Variants in SLC66A3 observed in about 807,000 individuals in gnomAD.
The protein encoded by SLC66A3 is PQ loop repeat containing 3.
A neutral mutation model predicts 25.5 loss-of-function variants in SLC66A3; 23 were observed. That is an observed-to-expected ratio of 0.90 (90% CI 0.65 to 1.28). The LOEUF (loss-of-function observed/expected upper bound fraction) is 1.28. Among genes scored for constraint, SLC66A3 ranks in the 50% most tolerant of loss-of-function variants. SLC66A3 has a pLI of 0.00. For synonymous variants in SLC66A3, 108 were observed against 112.6 expected (o/e 0.96, Z 0.26); for missense variants, 246 against 262.1 (o/e 0.94, Z 0.42).
chr2:11,156,975 G>T (rs1029082709), intron 1 of SLC66A3, among the ~76,000 whole-genome samples: 2 of 152,186 alleles, frequency 1.3e-5, no homozygotes, highest in African/African-American at 4.8e-5. Flanking sequence ...TGAAAGCCAG[G>T]AGTGGGATTT....
At position 11,160,447 on chromosome 2, in the gene SLC66A3, T is replaced by C; in HGVS notation, c.144-19T>C. 1.9e-6 allele frequency: 3 copies of C among 1,611,448 alleles called. No individual in the cohort carries two copies. The highest frequency in any genetic ancestry group is 2.5e-6 in the Non-Finnish European group (3 of 1,177,596). On this transcript the variant is annotated intron_variant, in intron 1 of 6. Transcript: ENST00000295083. ...GCGTTTTGGGGCAGCCGTGTGGACA[T>C]GTGCCCTTCTCTCTCCAGATTCCTG...
At chr2:11,160,379 A>G in intron 1 of SLC66A3, 87 bp from the exon 2 acceptor site, 1 of 1,181,668 alleles carries the variant, frequency 8.5e-7, no homozygotes, top group East Asian at 2.3e-5. Flanking sequence ...AGGATTCGGC[A>G]AACTGACCTC....
At chr2:11,160,241 T>C (rs1398958080) in intron 1 of SLC66A3, 5 of 606,270 alleles carry the variant, frequency 8.2e-6, no homozygotes, top group Non-Finnish European at 1.5e-5. Flanking sequence ...ATCGTGGGTA[T>C]TGCACTGTGG....
intron 1 of SLC66A3, among the ~76,000 whole-genome samples, chr2:11,159,722 G>A (rs1662044410): frequency 6.6e-6 from 1 of 152,124 alleles, no homozygotes; most frequent in African/African-American, 2.4e-5. Flanking sequence ...CCAAAAAGCT[G>A]GGTGATGAGA....
At chr2:11,160,304 T>A (rs899007319) in intron 1 of SLC66A3, 162 bp from the exon 2 acceptor site, 1 of 654,684 alleles carries the variant, frequency 1.5e-6, no homozygotes. Flanking sequence ...ATGATTCAAC[T>A]GAATTCCATC....
intron 4 of SLC66A3, 86 bp from the exon 5 acceptor site, chr2:11,171,839 A>G (rs778424314): frequency 6.2e-6 from 9 of 1,449,652 alleles, no homozygotes; most frequent in Non-Finnish European, 8.6e-6. Context: ...AAGTGCTGGA[A>G]TTACAGGTGT....
rs762891488 is a variant in SLC66A3 at position 11,177,830 on chromosome 2, G to A, written c.*2G>A. 2 of 1,559,756 alleles carry A rather than the reference G, an allele frequency of 1.3e-6. No homozygotes were observed. Among genetic ancestry groups the A allele is most frequent in the South Asian group, 1.1e-5 (1 of 89,810 alleles). On this transcript the variant is annotated 3_prime_UTR_variant, in exon 7 of 7. Coordinates refer to ENST00000295083, the MANE Select transcript of SLC66A3 (RefSeq NM_152391.5). ...AAGACCGCTATAAAGGCTGAATGAT[G>A]GATACATTATTCCTTCACACAGTGG... is the stretch of plus-strand genomic sequence containing the variant.
intron 3 of SLC66A3, among the ~76,000 whole-genome samples, chr2:11,161,516 A>T (rs1298763092): frequency 6.6e-6 from 1 of 151,492 alleles, no homozygotes; most frequent in Non-Finnish European, 1.5e-5. Context: ...AAGTTACAAG[A>T]TGTTTTAACC....
chr2:11,164,889 G>C (rs1484178746), intron 4 of SLC66A3, among the ~76,000 whole-genome samples: 3 of 152,340 alleles, frequency 2.0e-5, no homozygotes, highest in Admixed American at 2.0e-4. Flanking sequence ...CAAGGCAGAA[G>C]AATTTTTCTT....
chr2:11,168,184 G>C (rs1019864266), intron 4 of SLC66A3, among the ~76,000 whole-genome samples: 3 of 151,628 alleles, frequency 2.0e-5, no homozygotes, highest in South Asian at 2.1e-4. Flanking sequence ...ACTCAGGAGG[G>C]TGAGGCAGGA....
chr2:11,165,591 G>A (rs921319831), intron 4 of SLC66A3, among the ~76,000 whole-genome samples: 6 of 152,150 alleles, frequency 3.9e-5, no homozygotes, highest in African/African-American at 1.2e-4. Flanking sequence ...AGGCAGAGAC[G>A]CTCCTCACTT....
At chr2:11,175,075 A>C in intron 6 of SLC66A3, 66 bp downstream of exon 6, 1 of 1,269,764 alleles carries the variant, frequency 7.9e-7, no homozygotes, top group Non-Finnish European at 1.1e-6. Context: ...TCATTTGTAA[A>C]CTGTCTTAGG....
In SLC66A3 at chr2:11,178,060, G is replaced by A. The variant is rs1318765407; in HGVS notation, c.*232G>A. The A allele has an allele frequency of 2.5e-6, 1 of 405,870 alleles. No homozygotes were observed. The allele number at this position is 405,870 out of a possible 1,614,324, so 25.1% of individuals were successfully genotyped here. ...TTATGGTAGTGCTCAGACATCTGCA[G>A]TGTTGAGGCCAGTCACTGTTGGAAG... On this transcript the variant is annotated 3_prime_UTR_variant, in exon 7 of 7. Coordinates refer to ENST00000295083, the MANE Select transcript of SLC66A3 (RefSeq NM_152391.5).
At chr2:11,155,722 C>T (rs1295197510) in intron 1 of SLC66A3, 33 bp downstream of exon 1, 6 of 1,340,138 alleles carry the variant, frequency 4.5e-6, no homozygotes, top group Admixed American at 3.7e-5. Flanking sequence ...CTGCCTCCTG[C>T]CCCCTCGCAG....
At chr2:11,175,365 T>C (rs1311050529) in intron 6 of SLC66A3, among the ~76,000 whole-genome samples, 5 of 152,208 alleles carry the variant, frequency 3.3e-5, no homozygotes, top group African/African-American at 1.2e-4. Flanking sequence ...TGGCCTAGTT[T>C]GCAGGAGTTG....
rs1358628684 is a variant in SLC66A3, at chr2:11,164,347, T to TATA, written c.354+86_354+87insATA. 1.8e-3 allele frequency: 128 copies of TATA among 72,730 alleles called. 2 individuals are homozygous for TATA. The highest frequency in any genetic ancestry group is 8.1e-3 in the African/African-American group (96 of 11,796). 4.5% of individuals were successfully genotyped at this position (72,730 alleles called of 1,614,324 possible). A position where few individuals can be genotyped will look rare whatever the true frequency, so the allele number is the denominator to read the frequency against. Reference sequence around the variant, plus strand: ...GATATTTATATATATATATATATATTTTTTTTTTTTTGAAATGGAGTTTCA... The same window carrying TATA: ...GATATTTATATATATATATATATATTATATTTTTTTTTTTGAAATGGAGTTTCA... On this transcript the variant is annotated intron_variant, in intron 4 of 6. Transcript: ENST00000295083.
chr2:11,168,703 C>T (rs985983391), intron 4 of SLC66A3, among the ~76,000 whole-genome samples: 2 of 152,088 alleles, frequency 1.3e-5, no homozygotes, highest in African/African-American at 4.8e-5. Flanking sequence ...CACAAGAGCC[C>T]CTCTCCTCAC....
At position 11,160,209 on chromosome 2, in the gene SLC66A3, C is replaced by T. The variant is rs113080577; in HGVS notation, c.144-257C>T. On this transcript the variant is annotated intron_variant, in intron 1 of 6. Coordinates refer to ENST00000295083, the MANE Select transcript of SLC66A3 (RefSeq NM_152391.5). Reference sequence around the variant, plus strand: ...TCTGTAAAAATCCTTTGTAAGCGACCATCTCAAGGCACTCTATAGAGATCG... The same window carrying T: ...TCTGTAAAAATCCTTTGTAAGCGACTATCTCAAGGCACTCTATAGAGATCG... 1,905 of 551,800 alleles carry T rather than the reference C, an allele frequency of 3.5e-3. 23 individuals carry two copies. Among genetic ancestry groups the T allele is most frequent in the African/African-American group, 0.033 (1,742 of 53,090 alleles). 34.2% of individuals were successfully genotyped at this position (551,800 alleles called of 1,614,324 possible).
At position 11,160,647 on chromosome 2, in the gene SLC66A3, CTT is replaced by C. The variant is rs1438549230; in HGVS notation, c.251_252del (p.Phe84SerfsTer3). The stretch of plus-strand genomic sequence containing the variant: ...CAGATGTCATCCTCCTGCTCTGTAT[CTT>C]TCATTTTAACGGGAACGTGAAGCAG... Reference protein sequence around the residue: ...AQDVILLLCIFHFNGNVKQAT... With the variant: ...AQDVILLLCIXHFNGNVKQAT... On this transcript the variant is annotated frameshift_variant, in exon 3 of 7. Coordinates refer to ENST00000295083, the MANE Select transcript of SLC66A3 (RefSeq NM_152391.5). LOFTEE classifies it high-confidence loss of function. The C allele has an allele frequency of 6.2e-7, 1 of 1,614,062 alleles. No homozygotes were observed. The highest frequency in any genetic ancestry group is 1.3e-5 in the African/African-American group (1 of 74,916).
Sources: allele counts gnomAD v4.1 joint callset (sites outside exome capture counted in the v4.1 genomes callset), GRCh38; gene constraint gnomAD v4.1.1; transcripts MANE v1.5; gene names NCBI Gene and HGNC (gene_info 2026-07-23, HGNC 2026-07-21).